UVRAG: variants seen among roughly 807,000 people sequenced by gnomAD.
UVRAG encodes the protein UV radiation resistance-associated gene protein.
In UVRAG, 19 loss-of-function variants were observed where a neutral mutation model predicts 78.0. That is an observed-to-expected ratio of 0.24 (90% CI 0.17 to 0.36). The LOEUF is 0.36. Ranked by LOEUF, UVRAG falls within the 10% of genes least tolerant of loss-of-function variation. UVRAG has a pLI of 1.00. For synonymous variants in UVRAG, 323 were observed against 324.6 expected (o/e 1.00, Z 0.05); for missense variants, 740 against 853.8 (o/e 0.87, Z 1.66).
chr11:75,889,959 A>G (rs1452606273), intron 5 of UVRAG, among the ~76,000 whole-genome samples: 1 of 152,198 alleles, frequency 6.6e-6, no homozygotes, highest in African/African-American at 2.4e-5. Flanking sequence ...AATAGAAGTG[A>G]ACTGTGTAAA....
At chr11:75,861,376 A>G (rs1422152611) in intron 2 of UVRAG, among the ~76,000 whole-genome samples, 1 of 152,212 alleles carries the variant, frequency 6.6e-6, no homozygotes, top group Non-Finnish European at 1.5e-5. Flanking sequence ...GCAATGGGTA[A>G]TCATTCGAGA....
At chr11:75,909,062 A>G (rs1168425890) in intron 5 of UVRAG, among the ~76,000 whole-genome samples, 4 of 152,044 alleles carry the variant, frequency 2.6e-5, no homozygotes, top group Non-Finnish European at 5.9e-5. Flanking sequence ...AAGATTTGTC[A>G]ATGAGCCAGG....
chr11:76,122,344 G>C (rs1297205532), intron 14 of UVRAG, among the ~76,000 whole-genome samples: 2 of 152,102 alleles, frequency 1.3e-5, no homozygotes, highest in African/African-American at 4.8e-5. Context: ...GCCCAGTTAG[G>C]TGGAAAGACT....
chr11:75,975,461 TG>T (rs1263280574), intron 7 of UVRAG, among the ~76,000 whole-genome samples: 1 of 152,214 alleles, frequency 6.6e-6, no homozygotes, highest in Non-Finnish European at 1.5e-5. Context: ...TTGGGCAGTG[TG>T]GCCATTTTCA....
intron 6 of UVRAG, among the ~76,000 whole-genome samples, chr11:75,952,149 C>T (rs538510191): frequency 2.9e-4 from 44 of 152,036 alleles, no homozygotes; most frequent in African/African-American, 8.7e-4. Context: ...TGCAATTTGC[C>T]GAATTTACTC....
Position 76,076,832 on chromosome 11 carries a change from A to ATTTATTTAT in UVRAG, c.1305+11046_1305+11047insTATTTATTT, listed in dbSNP as rs113225143. Reference sequence around the variant, plus strand: ...TATTTATTTATTTATTTATTTATTTATTAGAGGCAGATGACAAGACCCCAT... The same window carrying ATTTATTTAT: ...TATTTATTTATTTATTTATTTATTTATTTATTTATTTAGAGGCAGATGACAAGACCCCAT... On this transcript the variant is annotated intron_variant, in intron 13 of 14. Coordinates refer to ENST00000356136, the MANE Select transcript of UVRAG (RefSeq NM_003369.4). Among the ~76,000 whole-genome samples, 102 of 150,556 alleles carry ATTTATTTAT rather than the reference A, an allele frequency of 6.8e-4. 1 individual carries two copies. Among genetic ancestry groups the ATTTATTTAT allele is most frequent in the African/African-American group, 2.2e-3 (92 of 40,974 alleles).
At chr11:76,077,168 TTA>T (rs1951418642) in intron 13 of UVRAG, among the ~76,000 whole-genome samples, 2 of 148,850 alleles carry the variant, frequency 1.3e-5, no homozygotes, top group Non-Finnish European at 3.0e-5. Flanking sequence ...TATGTAAATA[TTA>T]TATATACACA....
At chr11:75,890,456 G>A (rs1947190950) in intron 5 of UVRAG, among the ~76,000 whole-genome samples, 3 of 152,200 alleles carry the variant, frequency 2.0e-5, no homozygotes. Context: ...AAAAGGAGGT[G>A]TCATGGATGA....
chr11:75,899,459 C>A (rs1947435841), intron 5 of UVRAG, among the ~76,000 whole-genome samples: 1 of 151,934 alleles, frequency 6.6e-6, no homozygotes, highest in African/African-American at 2.4e-5. Context: ...GTATAACAGC[C>A]CCATGAGGTA....
At chr11:75,859,936 G>C (rs550307602) in intron 2 of UVRAG, among the ~76,000 whole-genome samples, 25 of 152,200 alleles carry the variant, frequency 1.6e-4, no homozygotes, top group African/African-American at 6.0e-4. Context: ...ATTCAGCCAG[G>C]TAACAAAGTT....
chr11:75,965,080 A>G (rs894070164), intron 7 of UVRAG, among the ~76,000 whole-genome samples: 1 of 152,152 alleles, frequency 6.6e-6, no homozygotes, highest in African/African-American at 2.4e-5. Context: ...TGGGTTCTTT[A>G]TATTTCCAAC....
At chr11:75,859,340 C>T (rs1431254992) in intron 2 of UVRAG, among the ~76,000 whole-genome samples, 1 of 150,862 alleles carries the variant, frequency 6.6e-6, no homozygotes, top group Non-Finnish European at 1.5e-5. Flanking sequence ...CACGCCACTG[C>T]ACTCCAGCCT....
intron 14 of UVRAG, among the ~76,000 whole-genome samples, chr11:76,132,383 G>A (rs1730552369): frequency 6.6e-6 from 1 of 152,038 alleles, no homozygotes; most frequent in Non-Finnish European, 1.5e-5. Context: ...TCAAGATTTA[G>A]TATTTTGACC....
intron 6 of UVRAG, among the ~76,000 whole-genome samples, chr11:75,932,908 T>C (rs963502763): frequency 6.6e-6 from 1 of 152,158 alleles, no homozygotes; most frequent in Non-Finnish European, 1.5e-5. Flanking sequence ...AGAATTAATA[T>C]TGTTGAAATG....
intron 6 of UVRAG, among the ~76,000 whole-genome samples, chr11:75,918,803 T>C (rs1264629903): frequency 6.6e-6 from 1 of 152,222 alleles, no homozygotes. Flanking sequence ...AAGTTTTGTT[T>C]TTCCTAATGG....
chr11:75,827,848 T>C (rs1240869570), intron 1 of UVRAG, among the ~76,000 whole-genome samples: 1 of 152,174 alleles, frequency 6.6e-6, no homozygotes, highest in Non-Finnish European at 1.5e-5. Flanking sequence ...AACTAAACTT[T>C]TAAACAATAC....
chr11:76,032,566 A>G (rs1374487218), intron 12 of UVRAG, among the ~76,000 whole-genome samples: 1 of 152,184 alleles, frequency 6.6e-6, no homozygotes, highest in African/African-American at 2.4e-5. Context: ...GAATTAGGTA[A>G]AGTTACCTGG....
Position 75,832,129 on chromosome 11 carries a change from G to T in UVRAG, c.117+16605G>T, listed in dbSNP as rs535255308. 1.1e-4 allele frequency among the ~76,000 whole-genome samples: 16 copies of T among 152,336 alleles called. No homozygotes were observed. In the South Asian group the frequency reaches 3.1e-3, roughly 30 times the overall value. ...GTCTGTACCTAGGACAGTCTGTGCT[G>T]TTCCACTTACAACACTTCTGACAAC... On this transcript the variant is annotated intron_variant, in intron 1 of 14. Transcript: ENST00000356136.
intron 4 of UVRAG, among the ~76,000 whole-genome samples, chr11:75,885,341 T>C (rs529894335): frequency 5.3e-5 from 8 of 152,216 alleles, no homozygotes; most frequent in South Asian, 4.1e-4. Context: ...AACTTTGTAT[T>C]AATAACAACA....
Sources: gnomAD v4.1 joint callset for allele counts (sites outside exome capture counted in the v4.1 genomes callset) on GRCh38, gnomAD v4.1.1 for gene constraint, MANE v1.5 for transcripts, NCBI Gene and HGNC (gene_info 2026-07-23, HGNC 2026-07-21) for gene names.